The following RC3H2 variants were observed in gnomAD, a reference collection of about 807,000 sequenced individuals.
RC3H2 encodes the protein ring finger and CCCH-type domains 2, also known as roquin-2.
In RC3H2, 31 loss-of-function variants were observed where a neutral mutation model predicts 133.3. That is an observed-to-expected ratio of 0.23 (90% CI 0.17 to 0.31). The LOEUF (loss-of-function observed/expected upper bound fraction) is 0.31. RC3H2 is among the 10% of genes least tolerant of loss of function. The pLI, the probability that RC3H2 is intolerant of heterozygous loss-of-function variation, is 1.00. For missense variants in RC3H2, 1,175 were observed against 1,437.2 expected (o/e 0.82, Z 2.95); for synonymous variants, 517 against 502.2 (o/e 1.03, Z -0.40).
At chr9:122,860,976 T>C (rs190619618) in intron 10 of RC3H2, among the ~76,000 whole-genome samples, 2 of 152,230 alleles carry the variant, frequency 1.3e-5, no homozygotes, top group African/African-American at 4.8e-5. Context: ...TGGAACAGAG[T>C]AGGCACTTGG....
Position 122,859,936 on chromosome 9 carries a change from G to A in RC3H2, c.1830C>T (p.Val610=), listed in dbSNP as rs767564661. 2.5e-6 allele frequency: 4 copies of A among 1,613,104 alleles called. No individual in the cohort carries two copies. Among genetic ancestry groups the A allele is most frequent in the South Asian group, 2.2e-5 (2 of 91,040 alleles). The change falls in exon 11 of 21, where the codon GTC becomes GTT. Residue 610 remains valine (V), a synonymous_variant. Coordinates refer to ENST00000357244, the MANE Select transcript of RC3H2 (RefSeq NM_001100588.3). The part of the protein sequence containing the change: ...QDPRTQIPFE[V]PQYPQTGYYP... ...ACTCACCTGTCTGTGGGTACTGTGG[G>A]ACTTCAAAGGGTATCTGAGTCCTTG...
In RC3H2 at chr9:122,905,302, CTCCACCTCCGCCTCCTCCT is replaced by C. The variant is rs1832804538; in HGVS notation, c.-279_-261del. On this transcript the variant is annotated 5_prime_UTR_variant, in exon 1 of 21. Coordinates refer to ENST00000357244, the MANE Select transcript of RC3H2 (RefSeq NM_001100588.3). ...CCGCGACGGGGCCTCCTCCTCCTCC[CTCCACCTCCGCCTCCTCCT>C]CCTCCTCCTCCTCACCACGGAGGCG... The C allele has an allele frequency of 1.0e-6, 1 of 985,364 alleles. No homozygotes were observed. The highest frequency in any genetic ancestry group is 6.1e-5 in the Admixed American group (1 of 16,294). The allele number at this position is 985,364 out of a possible 1,614,324, so 61.0% of individuals were successfully genotyped here. A position where few individuals can be genotyped will look rare whatever the true frequency, so the allele number is the denominator to read the frequency against.
In RC3H2 at chr9:122,877,354, T is replaced by C. The variant is rs1247550331; in HGVS notation, c.1325+117A>G. The C allele has an allele frequency of 5.3e-6, 4 of 760,974 alleles. No individual in the cohort carries two copies. In the East Asian group the frequency reaches 1.1e-4, roughly 20 times the overall value. 47.1% of individuals were successfully genotyped at this position (760,974 alleles called of 1,614,324 possible). On this transcript the variant is annotated intron_variant, in intron 9 of 20. Transcript: ENST00000357244. Reference sequence around the variant, plus strand: ...CTGCTGGGACTACAGGCATGAGCTATGGTGCCCAGCCCTTAACTTGCATTT... The same window carrying C: ...CTGCTGGGACTACAGGCATGAGCTACGGTGCCCAGCCCTTAACTTGCATTT...
chr9:122,888,453 G>C (rs914470432), intron 4 of RC3H2, among the ~76,000 whole-genome samples: 1 of 152,076 alleles, frequency 6.6e-6, no homozygotes, highest in Non-Finnish European at 1.5e-5. Context: ...GCTTTCCCTT[G>C]ATTCCTCGTT....
At chr9:122,896,350 A>G (rs1310172762) in intron 2 of RC3H2, among the ~76,000 whole-genome samples, 1 of 152,210 alleles carries the variant, frequency 6.6e-6, no homozygotes, top group Admixed American at 6.5e-5. Flanking sequence ...AGTAAAAAAA[A>G]GTAACAACAA....
In RC3H2 at chr9:122,858,956, G is replaced by C. The variant is rs374715315; in HGVS notation, c.1996C>G (p.Arg666Gly). 5 of 1,614,052 alleles carry C rather than the reference G, an allele frequency of 3.1e-6. No individual in the cohort carries two copies. The African/African-American group carries it at 4.0e-5, about 13-fold the overall frequency. Residue 666 changes from arginine to glycine, a missense_variant, in exon 12 of 21, where the codon CGA becomes GGA. Physicochemically the swap from Arg to Gly is moderately radical, Grantham distance 125. This residue lies in a region of RC3H2 where 490 missense variants were observed against 492.8 expected (regional missense o/e 0.99). Coordinates refer to ENST00000357244, the MANE Select transcript of RC3H2 (RefSeq NM_001100588.3). ...DHYSTFSPRD[R>G]MNSSPYQPPP... ...GGCTGGTAAGGAGAAGAATTCATTC[G>C]ATCTCGAGGGGAAAATGTACTGTAA... is the stretch of plus-strand genomic sequence containing the variant.
At chr9:122,850,221 C>T (rs1249615302) in intron 20 of RC3H2, among the ~76,000 whole-genome samples, 5 of 151,940 alleles carry the variant, frequency 3.3e-5, no homozygotes, top group Non-Finnish European at 5.9e-5. Context: ...ATGATCCACC[C>T]GCCTCGGCCT....
intron 5 of RC3H2, among the ~76,000 whole-genome samples, chr9:122,882,905 G>A (rs1243399610): frequency 6.6e-6 from 1 of 152,214 alleles, no homozygotes; most frequent in Admixed American, 6.5e-5. Context: ...GACACTAAAT[G>A]TAAAGAAATG....
intron 18 of RC3H2, among the ~76,000 whole-genome samples, chr9:122,852,823 C>T (rs1445329284): frequency 2.6e-5 from 4 of 151,416 alleles, no homozygotes; most frequent in African/African-American, 9.7e-5. Flanking sequence ...TCTGCCCGGC[C>T]GCCCCTACTG....
At chr9:122,862,376 C>T (rs1011216726) in intron 10 of RC3H2, among the ~76,000 whole-genome samples, 6 of 152,192 alleles carry the variant, frequency 3.9e-5, no homozygotes, top group African/African-American at 1.4e-4. Flanking sequence ...CTAGGCTCTC[C>T]TCCATGGCAG....
chr9:122,892,848 A>T, intron 3 of RC3H2, 61 bp downstream of exon 3: 1 of 1,328,138 alleles, frequency 7.5e-7, no homozygotes, highest in Non-Finnish European at 1.1e-6. Context: ...ACATCAAGTC[A>T]TTCAAAGTAA....
At position 122,899,090 on chromosome 9, in the gene RC3H2, G is replaced by GGTTTTTT. The variant is rs1564322863; in HGVS notation, c.-67-1515_-67-1514insAAAAAAC. On this transcript the variant is annotated intron_variant, in intron 1 of 20. Transcript: ENST00000357244. ...AAAAAATTCTATTAGCCTTTATTGT[G>GGTTTTTT]TTTTTTTTTTTTTTTTTTTTTTTTT... 9.0e-5 allele frequency among the ~76,000 whole-genome samples: 8 copies of GGTTTTTT among 88,410 alleles called. 4 individuals carry two copies. Among genetic ancestry groups the GGTTTTTT allele is most frequent in the Non-Finnish European group, 1.2e-4 (6 of 49,386 alleles). 58.0% of individuals were successfully genotyped at this position (88,410 alleles called of 152,430 possible).
In RC3H2 at chr9:122,876,627, C is replaced by CA. The variant is rs1167765000; in HGVS notation, c.1325+843dup. On this transcript the variant is annotated intron_variant, in intron 9 of 20. Coordinates refer to ENST00000357244, the MANE Select transcript of RC3H2 (RefSeq NM_001100588.3). ...TGGGCGACAGAGCAAGACTCCACCT[C>CA]AAAAAAAAAAAAAAAGTTGATACAC... Among the ~76,000 whole-genome samples the CA allele has an allele frequency of 9.1e-3, 859 of 94,474 alleles. 11 individuals are homozygous for CA. The highest frequency in any genetic ancestry group is 0.039 in the East Asian group (138 of 3,516). The allele number at this position is 94,474 out of a possible 152,430, so 62.0% of individuals were successfully genotyped here. A position where few individuals can be genotyped will look rare whatever the true frequency, so the allele number is the denominator to read the frequency against.
chr9:122,892,579 T>C (rs927863283), intron 3 of RC3H2, among the ~76,000 whole-genome samples: 1 of 152,064 alleles, frequency 6.6e-6, no homozygotes, highest in African/African-American at 2.4e-5. Context: ...GCCCGGCTAA[T>C]TTTTTGTATT....
chr9:122,851,834 T>C (rs1830034952), intron 18 of RC3H2, among the ~76,000 whole-genome samples: 1 of 152,190 alleles, frequency 6.6e-6, no homozygotes, highest in African/African-American at 2.4e-5. Flanking sequence ...AGTGGCGTGA[T>C]CTCGGCTCGC....
chr9:122,903,908 A>G (rs535399724), intron 1 of RC3H2, among the ~76,000 whole-genome samples: 1 of 152,360 alleles, frequency 6.6e-6, no homozygotes, highest in East Asian at 1.9e-4. Context: ...TTTTTTAAAA[A>G]GGAGAATCTA....
At position 122,858,758 on chromosome 9, in the gene RC3H2, A is replaced by G; in HGVS notation, c.2194T>C (p.Leu732=). ...VMHSSVYQTS[L]RERYNSLDGY... is the part of the protein sequence containing the mutation. ...TCTAATGAGTTATATCTTTCCCGCAAAGATGTCTGATAGACAGATGAGTGC... is the reference window on the plus strand; with the variant it reads ...TCTAATGAGTTATATCTTTCCCGCAGAGATGTCTGATAGACAGATGAGTGC... Residue 732 remains leucine, a synonymous_variant, in exon 12 of 21, where the codon TTG becomes CTG. Coordinates refer to ENST00000357244, the MANE Select transcript of RC3H2 (RefSeq NM_001100588.3). 1 of 1,614,256 alleles carries G rather than the reference A, an allele frequency of 6.2e-7. No individual in the cohort carries two copies. The highest frequency in any genetic ancestry group is 8.5e-7 in the Non-Finnish European group (1 of 1,180,046).
At chr9:122,894,248 G>A (rs188926304) in intron 2 of RC3H2, among the ~76,000 whole-genome samples, 268 of 150,772 alleles carry the variant, frequency 1.8e-3, no homozygotes, top group African/African-American at 5.8e-3. Flanking sequence ...GACAGAGCAA[G>A]ACTCCGTCTC....
intron 1 of RC3H2, 80 bp from the exon 2 acceptor site, chr9:122,897,656 C>G (rs1832480271): frequency 2.2e-6 from 2 of 921,932 alleles, no homozygotes; most frequent in Admixed American, 6.2e-5. Flanking sequence ...TCAACTATTA[C>G]AGCTTCAGAC....
Sources: gnomAD v4.1 joint callset for allele counts (sites outside exome capture counted in the v4.1 genomes callset) on GRCh38, gnomAD v4.1.1 for gene constraint, gnomAD v4.1.1 regional missense constraint, MANE v1.5 for transcripts, NCBI Gene and HGNC (gene_info 2026-07-23, HGNC 2026-07-21) for gene names.